Variants in ENTPD1 observed in about 807,000 individuals in gnomAD.
ENTPD1 encodes the protein ectonucleoside triphosphate diphosphohydrolase 1, also known as ATP diphosphohydrolase.
In ENTPD1, 33 loss-of-function variants were observed where a neutral mutation model predicts 57.0. The observed-to-expected ratio is 0.58, with a 90% CI of 0.44 to 0.77. The LOEUF (loss-of-function observed/expected upper bound fraction) is 0.77. Ranked by LOEUF, ENTPD1 falls within the 30% of genes least tolerant of loss-of-function variation. ENTPD1 has a pLI of 0.00. For missense variants in ENTPD1, 501 were observed against 603.4 expected (o/e 0.83, Z 1.78); for synonymous variants, 202 against 218.8 (o/e 0.92, Z 0.68).
At chr10:95,758,914 C>G (rs1462743858) in intron 1 of ENTPD1, among the ~76,000 whole-genome samples, 1 of 152,172 alleles carries the variant, frequency 6.6e-6, no homozygotes, top group Non-Finnish European at 1.5e-5. Context: ...CTGTGAGGTC[C>G]TCTGACGTAC....
intron 6 of ENTPD1, 150 bp downstream of exon 6, chr10:95,845,746 G>T: frequency 7.6e-7 from 1 of 1,313,846 alleles, no homozygotes; most frequent in Non-Finnish European, 1.1e-6. Context: ...AACTACATCT[G>T]GTTGACCCCT....
chr10:95,738,038 G>A (rs2097996500), intron 1 of ENTPD1, among the ~76,000 whole-genome samples: 1 of 152,208 alleles, frequency 6.6e-6, no homozygotes. Context: ...GGACTTCTGG[G>A]TAGGGAGAAA....
Position 95,874,145 on chromosome 10 carries a change from T to C in ENTPD1, c.*7762T>C, listed in dbSNP as rs992053429. Among the ~76,000 whole-genome samples the C allele has an allele frequency of 1.3e-5, 2 of 152,168 alleles. No individual in the cohort carries two copies. The highest frequency in any genetic ancestry group is 4.8e-5 in the African/African-American group (2 of 41,422). The stretch of plus-strand genomic sequence containing the variant: ...CCCAAAGTCTTAACTCATTTCAGCA[T>C]TAACCCAAAAGTCCACAGTCCAAAG... On this transcript the variant is annotated 3_prime_UTR_variant, in exon 10 of 10. Transcript: ENST00000371205.
intron 1 of ENTPD1, among the ~76,000 whole-genome samples, chr10:95,776,462 T>C (rs796715046): frequency 6.6e-6 from 1 of 152,240 alleles, no homozygotes; most frequent in East Asian, 1.9e-4. Context: ...TGTTGAATAT[T>C]GGCCCCCACT....
chr10:95,792,430 G>A (rs2098208749), intron 1 of ENTPD1, among the ~76,000 whole-genome samples: 1 of 152,232 alleles, frequency 6.6e-6, no homozygotes, highest in Non-Finnish European at 1.5e-5. Flanking sequence ...AGAAAGGGCT[G>A]AAGAAAGCAG....
chr10:95,866,140 C>T (rs1271344879), intron 9 of ENTPD1, 37 bp from the exon 10 acceptor site: 19 of 1,595,364 alleles, frequency 1.2e-5, no homozygotes, highest in Non-Finnish European at 1.6e-5. Context: ...TCTTCTAACT[C>T]CTCCAACCAC....
At chr10:95,783,348 A>G (rs1402126947) in intron 1 of ENTPD1, among the ~76,000 whole-genome samples, 1 of 152,118 alleles carries the variant, frequency 6.6e-6, no homozygotes, top group Non-Finnish European at 1.5e-5. Flanking sequence ...AATCTTTTTC[A>G]TTAATTGGCT....
At chr10:95,712,772 C>T (rs370848169) in intron 1 of ENTPD1, among the ~76,000 whole-genome samples, 6 of 152,268 alleles carry the variant, frequency 3.9e-5, no homozygotes, top group Admixed American at 2.0e-4. Flanking sequence ...CTGTGGCTCC[C>T]GCCTGTAATC....
intron 2 of ENTPD1, among the ~76,000 whole-genome samples, chr10:95,832,234 T>C (rs1183243548): frequency 6.6e-6 from 1 of 152,118 alleles, no homozygotes; most frequent in Non-Finnish European, 1.5e-5. Context: ...CAGAGTTCTC[T>C]AGAGATCCTA....
intron 1 of ENTPD1, among the ~76,000 whole-genome samples, chr10:95,746,108 T>A (rs904474389): frequency 1.3e-5 from 2 of 152,158 alleles, no homozygotes; most frequent in Non-Finnish European, 2.9e-5. Flanking sequence ...CAAGTACCGT[T>A]AGGTTACTTC....
At chr10:95,736,494 C>G (rs940139580) in intron 1 of ENTPD1, among the ~76,000 whole-genome samples, 1 of 151,936 alleles carries the variant, frequency 6.6e-6, no homozygotes, top group Non-Finnish European at 1.5e-5. Flanking sequence ...CCTTTCCCAC[C>G]CCTCCAGCCA....
At chr10:95,859,650 C>G (rs781649486) in intron 7 of ENTPD1, among the ~76,000 whole-genome samples, 17 of 152,208 alleles carry the variant, frequency 1.1e-4, no homozygotes, top group Non-Finnish European at 2.4e-4. Context: ...ATTGCCTCAT[C>G]TAGCAAGCTC....
intron 2 of ENTPD1, chr10:95,833,622 G>C (rs2140709532): frequency 6.6e-6 from 1 of 152,364 alleles, no homozygotes; most frequent in Non-Finnish European, 1.5e-5. Context: ...TGTGTTACCA[G>C]ATGTCTTAGT....
chr10:95,709,352 C>T (rs7073937), upstream of ENTPD1, among the ~76,000 whole-genome samples: 26,653 of 141,034 alleles, frequency 0.19, 2,411 homozygotes, highest in Middle Eastern at 0.23. Flanking sequence ...AATCTCTCCT[C>T]TTTTCCTTAT....
At chr10:95,862,093 A>G (rs972289248) in intron 8 of ENTPD1, among the ~76,000 whole-genome samples, 1 of 152,100 alleles carries the variant, frequency 6.6e-6, no homozygotes, top group African/African-American at 2.4e-5. Flanking sequence ...GAATGCTTAT[A>G]TTTAGACCTG....
intron 1 of ENTPD1, among the ~76,000 whole-genome samples, chr10:95,731,781 C>CTTTTTTTTTTTTTTTTTTGTTTTTTTTT (rs2097989409): frequency 1.3e-5 from 1 of 79,180 alleles, no homozygotes; most frequent in African/African-American, 5.4e-5. Flanking sequence ...AGTGGACATC[C>CTTTTTTTTTTTTTTTTTTGTTTTTTTTT]TTTTTTTTTT....
intron 2 of ENTPD1, among the ~76,000 whole-genome samples, chr10:95,837,726 C>T (rs2098413406): frequency 6.6e-6 from 1 of 152,044 alleles, no homozygotes; most frequent in African/African-American, 2.4e-5. Context: ...TTTAGCTTTT[C>T]CTAGTGGTCC....
At chr10:95,715,369 C>A (rs952944821) in intron 1 of ENTPD1, among the ~76,000 whole-genome samples, 1 of 152,098 alleles carries the variant, frequency 6.6e-6, no homozygotes, top group Non-Finnish European at 1.5e-5. Flanking sequence ...ATCTTATATT[C>A]ATATAGCCAT....
chr10:95,825,956 T>C (rs550494874), intron 2 of ENTPD1, among the ~76,000 whole-genome samples: 1 of 152,334 alleles, frequency 6.6e-6, no homozygotes, highest in Admixed American at 6.5e-5. Flanking sequence ...TCATTTTTTA[T>C]AAATTTATGC....
Sources: gnomAD v4.1 joint callset for allele counts (sites outside exome capture counted in the v4.1 genomes callset) on GRCh38, gnomAD v4.1.1 for gene constraint, MANE v1.5 for transcripts, NCBI Gene and HGNC (gene_info 2026-07-23, HGNC 2026-07-21) for gene names.